Variants in MYO1F observed in about 807,000 individuals in gnomAD.
MYO1F encodes the protein unconventional myosin-If.
A neutral mutation model predicts 146.6 loss-of-function variants in MYO1F; 60 were observed. That is an observed-to-expected ratio of 0.41 (90% CI 0.33 to 0.51). MYO1F has a LOEUF of 0.51. Ranked by LOEUF, MYO1F falls within the 20% of genes least tolerant of loss-of-function variation. The pLI is 0.25. For missense variants in MYO1F, 1,274 were observed against 1,534.3 expected (o/e 0.83, Z 2.83); for synonymous variants, 602 against 602.1 (o/e 1.00, Z 0.00).
chr19:8,574,481 G>A (rs368580324), intron 1 of MYO1F, among the ~76,000 whole-genome samples: 74 of 152,112 alleles, frequency 4.9e-4, no homozygotes, highest in African/African-American at 1.8e-3. Flanking sequence ...ACCATGGAGC[G>A]GGGCATTAGA....
chr19:8,542,577 C>A (rs1482974127), intron 14 of MYO1F, among the ~76,000 whole-genome samples: 2 of 151,610 alleles, frequency 1.3e-5, no homozygotes, highest in Non-Finnish European at 2.9e-5. Context: ...CATGGGAGCT[C>A]CAGCCGTTTT....
At chr19:8,551,991 G>C in intron 7 of MYO1F, 42 bp downstream of exon 7, 1 of 1,613,782 alleles carries the variant, frequency 6.2e-7, no homozygotes, top group Non-Finnish European at 8.5e-7. Context: ...ACCCCGCTGG[G>C]CTCCAGGTGG....
rs374157870 is a variant in MYO1F at position 8,553,868 on chromosome 19, TCACACACA to T, written c.327-439_327-432del. ...GCCTGGGTGACAGACTGAGACTCTGTCACACACACACACACACACACACACACTCTCTC... is the reference window on the plus strand; with the variant it reads ...GCCTGGGTGACAGACTGAGACTCTGTCACACACACACACACACACTCTCTC... On this transcript the variant is annotated intron_variant, in intron 4 of 27. Coordinates refer to ENST00000644032, the MANE Select transcript of MYO1F (RefSeq NM_012335.4). 3.3e-3 allele frequency among the ~76,000 whole-genome samples: 407 copies of T among 121,578 alleles called. 2 individuals are homozygous for T. The highest frequency in any genetic ancestry group is 0.013 in the African/African-American group (391 of 29,202). The allele number at this position is 121,578 out of a possible 152,430, so 79.8% of individuals were successfully genotyped here. A position where few individuals can be genotyped will look rare whatever the true frequency, so the allele number is the denominator to read the frequency against.
intron 8 of MYO1F, 200 bp downstream of exon 8, chr19:8,551,540 C>T (rs572994174): frequency 1.1e-4 from 73 of 639,990 alleles, no homozygotes; most frequent in Middle Eastern, 4.4e-4. Context: ...TAAGTAGAGA[C>T]GGGGTTTAAC....
intron 16 of MYO1F, among the ~76,000 whole-genome samples, chr19:8,537,292 C>T (rs1972769212): frequency 6.6e-6 from 1 of 152,120 alleles, no homozygotes; most frequent in Admixed American, 6.6e-5. Flanking sequence ...AGACAAGGAG[C>T]TCTCACGTCT....
chr19:8,538,078 T>C (rs111751676), intron 16 of MYO1F, among the ~76,000 whole-genome samples: 8,933 of 151,626 alleles, frequency 0.059, 877 homozygotes, highest in African/African-American at 0.2. Context: ...TTCAAGTGAT[T>C]CTCCCACCTC....
chr19:8,550,373 C>A lies in MYO1F; in HGVS notation c.905-17G>T. The stretch of plus-strand genomic sequence containing the variant: ...AGGCCAGGACTACCAGGGCAAAGGT[C>A]AGGGCAAAAATGGGACAGTTGGTTG... On this transcript the variant is annotated splice_polypyrimidine_tract_variant and intron_variant, in intron 9 of 27. Coordinates refer to ENST00000644032, the MANE Select transcript of MYO1F (RefSeq NM_012335.4). 6.2e-7 allele frequency: 1 copy of A among 1,605,432 alleles called. No individual in the cohort carries two copies. Among genetic ancestry groups the A allele is most frequent in the Non-Finnish European group, 8.5e-7 (1 of 1,176,016 alleles).
chr19:8,549,744 A>T lies in MYO1F; in HGVS notation c.1101+416T>A, dbSNP rs758983567. The T allele has an allele frequency of 2.9e-4, 66 of 227,630 alleles. No homozygotes were observed. In the East Asian group the frequency reaches 4.3e-3, roughly 15 times the overall value. 14.1% of individuals were successfully genotyped at this position (227,630 alleles called of 1,614,324 possible). A position where few individuals can be genotyped will look rare whatever the true frequency, so the allele number is the denominator to read the frequency against. ...GGTCTCAAACTCCAGACCTCAAGTG[A>T]TCCATCCACCTCAGCCTCCCAAAGT... On this transcript the variant is annotated intron_variant, in intron 10 of 27. Transcript: ENST00000644032.
chr19:8,524,905 T>A (rs1972201815), intron 25 of MYO1F, among the ~76,000 whole-genome samples: 1 of 151,958 alleles, frequency 6.6e-6, no homozygotes, highest in African/African-American at 2.4e-5. Flanking sequence ...GAAAATAAGA[T>A]GTAGTTTGAG....
intron 10 of MYO1F, 149 bp downstream of exon 10, chr19:8,550,011 G>C (rs1437447762): frequency 7.0e-6 from 6 of 860,360 alleles, no homozygotes; most frequent in Non-Finnish European, 1.1e-5. Flanking sequence ...TGTTGCCCAG[G>C]CTGGTCTTGA....
chr19:8,571,581 A>AT (rs34070649), intron 1 of MYO1F, among the ~76,000 whole-genome samples: 26,852 of 143,398 alleles, frequency 0.19, 2,574 homozygotes, highest in Middle Eastern at 0.24. Flanking sequence ...CGCCCGGCTA[A>AT]TTTTTTTTTT....
chr19:8,562,186 G>A lies in MYO1F; in HGVS notation c.4-6390C>T, dbSNP rs1437929128. Among the ~76,000 whole-genome samples the A allele has an allele frequency of 6.9e-5, 10 of 144,044 alleles. No individual in the cohort carries two copies. The South Asian group carries it at 1.5e-3, about 21-fold the overall frequency. The allele number at this position is 144,044 out of a possible 152,430, so 94.5% of individuals were successfully genotyped here. On this transcript the variant is annotated intron_variant, in intron 1 of 27. Coordinates refer to ENST00000644032, the MANE Select transcript of MYO1F (RefSeq NM_012335.4). ...TTCTTTTTTTTTTTGTATTTTTAGTGGAGACGAGGTTTCACCGTGTTAGCC... is the reference window on the plus strand; with the variant it reads ...TTCTTTTTTTTTTTGTATTTTTAGTAGAGACGAGGTTTCACCGTGTTAGCC...
intron 1 of MYO1F, among the ~76,000 whole-genome samples, chr19:8,574,621 CT>C (rs1208064823): frequency 8.5e-5 from 5 of 58,836 alleles, no homozygotes; most frequent in Admixed American, 3.9e-4. Context: ...TTCTTTCTTT[CT>C]TTCTTTCTTT....
intron 1 of MYO1F, among the ~76,000 whole-genome samples, chr19:8,570,221 C>T (rs919219529): frequency 6.6e-6 from 1 of 151,966 alleles, no homozygotes; most frequent in Non-Finnish European, 1.5e-5. Context: ...TACAGGCGTG[C>T]ACAACGCCTG....
intron 1 of MYO1F, among the ~76,000 whole-genome samples, chr19:8,564,384 AAAC>A (rs1031138644): frequency 1.3e-5 from 2 of 152,038 alleles, no homozygotes; most frequent in African/African-American, 2.4e-5. Context: ...CCTGTCTTGA[AAAC>A]AACAAAAAAA....
Position 8,527,322 on chromosome 19 carries a change from A to G in MYO1F, c.2474+16T>C, listed in dbSNP as rs556482436. ...AGGTGAGAGTGACTGTGCGGCAGGT[A>G]AGGACCTGGCTTCACCTGAGGGAGA... On this transcript the variant is annotated intron_variant, in intron 22 of 27. Transcript: ENST00000644032. The G allele has an allele frequency of 1.2e-6, 2 of 1,613,892 alleles. No homozygotes were observed. The highest frequency in any genetic ancestry group is 1.7e-5 in the Admixed American group (1 of 59,990).
chr19:8,550,273 A>G lies in MYO1F; in HGVS notation c.988T>C (p.Trp330Arg). ...TTGATGGACTCGCTGCGCCCGCCCC[A>G]GCGGCTGTCCATCTTGCGGCTGGTC... ...KLTSRKMDSR[W>R]GGRSESINVT... is the part of the protein sequence containing the mutation. Residue 330 changes from tryptophan to arginine, a missense_variant, in exon 10 of 28, where the codon TGG becomes CGG. Coordinates refer to ENST00000644032, the MANE Select transcript of MYO1F (RefSeq NM_012335.4). 6.2e-7 allele frequency: 1 copy of G among 1,614,132 alleles called. No individual in the cohort carries two copies.
intron 16 of MYO1F, among the ~76,000 whole-genome samples, chr19:8,538,918 G>A (rs1244305194): frequency 6.6e-6 from 1 of 152,140 alleles, no homozygotes; most frequent in Admixed American, 6.6e-5. Context: ...GAAAGTTCTG[G>A]AGATGGGTAG....
At chr19:8,543,734 GCT>G (rs1973118587) in intron 14 of MYO1F, among the ~76,000 whole-genome samples, 1 of 11,880 alleles carries the variant, frequency 8.4e-5, no homozygotes, top group Non-Finnish European at 1.7e-4. Context: ...TGCTGGTGGT[GCT>G]GGTGGTGCTG....
Sources: gnomAD v4.1 joint callset for allele counts (sites outside exome capture counted in the v4.1 genomes callset) on GRCh38, gnomAD v4.1.1 for gene constraint, MANE v1.5 for transcripts, NCBI Gene and HGNC (gene_info 2026-07-23, HGNC 2026-07-21) for gene names.